The following TOM1L2 variants were observed in gnomAD, a reference collection of about 807,000 sequenced individuals.
TOM1L2 encodes target of myb1 like 2 membrane trafficking protein, also known as TOM1-like protein 2.
TOM1L2 carries 31 observed loss-of-function variants against 67.9 expected under a neutral mutation model. The observed-to-expected ratio is 0.46, with a 90% CI of 0.34 to 0.62. The LOEUF (loss-of-function observed/expected upper bound fraction) is 0.62, where lower values mean the gene tolerates loss of function less well. Ranked by LOEUF, TOM1L2 falls within the 20% of genes least tolerant of loss-of-function variation. The probability of loss-of-function intolerance (pLI) is 0.01; values close to 1 mark genes in which losing one functional copy is unlikely to be tolerated. For missense variants in TOM1L2, 606 were observed against 663.5 expected (o/e 0.91, Z 0.95); for synonymous variants, 256 against 254.0 (o/e 1.01, Z -0.07).
At chr17:17,937,887 C>T (rs1057015856) in intron 1 of TOM1L2, among the ~76,000 whole-genome samples, 46 of 152,318 alleles carry the variant, frequency 3.0e-4, no homozygotes, top group African/African-American at 1.1e-3. Context: ...ACAGCTCCCG[C>T]ATTGGTCTCC....
chr17:17,877,706 C>T (rs916647898), intron 7 of TOM1L2, among the ~76,000 whole-genome samples: 3 of 152,084 alleles, frequency 2.0e-5, no homozygotes, highest in African/African-American at 4.8e-5. Context: ...CCACTGGCAC[C>T]GAGAGTCATT....
At chr17:17,925,575 C>T in intron 1 of TOM1L2, among the ~76,000 whole-genome samples, 1 of 151,588 alleles carries the variant, frequency 6.6e-6, no homozygotes, top group East Asian at 1.9e-4. Flanking sequence ...GGCGCAGTGG[C>T]TCATGCCTCT....
intron 1 of TOM1L2, among the ~76,000 whole-genome samples, chr17:17,909,061 G>A (rs756401831): frequency 5.3e-5 from 8 of 152,010 alleles, no homozygotes; most frequent in Non-Finnish European, 7.4e-5. Flanking sequence ...GGCACCTGTC[G>A]TTCCAGCTAC....
intron 10 of TOM1L2, among the ~76,000 whole-genome samples, chr17:17,864,850 G>A (rs1046609987): frequency 3.3e-5 from 5 of 152,192 alleles, no homozygotes; most frequent in Non-Finnish European, 7.3e-5. Context: ...ACTGACTGAA[G>A]GCAGAGACAT....
At chr17:17,919,550 G>A (rs1212542045) in intron 1 of TOM1L2, among the ~76,000 whole-genome samples, 1 of 152,190 alleles carries the variant, frequency 6.6e-6, no homozygotes, top group Non-Finnish European at 1.5e-5. Context: ...ATTTCCTTAA[G>A]AATCCAAGCA....
chr17:17,899,160 A>G (rs1221272024), intron 2 of TOM1L2, among the ~76,000 whole-genome samples: 1 of 152,216 alleles, frequency 6.6e-6, no homozygotes, highest in Non-Finnish European at 1.5e-5. Context: ...ACATGCAAGT[A>G]TTATTTATTC....
intron 7 of TOM1L2, among the ~76,000 whole-genome samples, chr17:17,877,205 G>A (rs994646516): frequency 1.3e-5 from 2 of 152,212 alleles, no homozygotes; most frequent in African/African-American, 4.8e-5. Flanking sequence ...GCTTTGCGAT[G>A]TGCAGGAGGC....
rs768989668 is a variant in TOM1L2 at position 17,879,695 on chromosome 17, C to A, written c.709G>T (p.Val237Phe). Reference protein sequence around the residue: ...ELDVVRGNTKVMSEMLTEMVP... With the variant: ...ELDVVRGNTKFMSEMLTEMVP... ...ATTTCTGTTAACATCTCAGACATGA[C>A]TTTTGTGTTTCCTCGAACGACGTCC... The change falls in exon 7 of 15, where the codon GTC becomes TTC. Residue 237 changes from valine (V) to phenylalanine (F), a missense_variant. This residue lies in a region of TOM1L2 where 543 missense variants were observed against 554.0 expected (regional missense o/e 0.98). Coordinates refer to ENST00000379504, the MANE Select transcript of TOM1L2 (RefSeq NM_001082968.2). 2.5e-6 allele frequency: 4 copies of A among 1,614,102 alleles called. No homozygotes were observed. Among genetic ancestry groups the A allele is most frequent in the African/African-American group, 1.3e-5 (1 of 74,928 alleles).
intron 1 of TOM1L2, among the ~76,000 whole-genome samples, chr17:17,952,405 T>TTTTTTTTC (rs2041248895): frequency 1.2e-5 from 1 of 80,272 alleles, no homozygotes; most frequent in Admixed American, 1.5e-4. Context: ...TTTTTTTTTT[T>TTTTTTTTC]TTTTGAGACA....
chr17:17,943,573 C>T (rs564237739), intron 1 of TOM1L2, among the ~76,000 whole-genome samples: 1 of 152,334 alleles, frequency 6.6e-6, no homozygotes. Context: ...AGCCCGAAGG[C>T]TGAGCTGCCT....
chr17:17,898,486 C>G, intron 3 of TOM1L2, 110 bp downstream of exon 3: 1 of 1,123,940 alleles, frequency 8.9e-7, no homozygotes, highest in Non-Finnish European at 1.3e-6. Flanking sequence ...AGGCACCAAG[C>G]CATTCAGAGG....
chr17:17,968,956 A>G (rs767812363), intron 1 of TOM1L2, among the ~76,000 whole-genome samples: 2 of 150,976 alleles, frequency 1.3e-5, no homozygotes, highest in Non-Finnish European at 3.0e-5. Context: ...TGACTCCTTC[A>G]GCACTTACAA....
chr17:17,856,958 A>AT (rs1355775386), intron 12 of TOM1L2, among the ~76,000 whole-genome samples: 1 of 151,994 alleles, frequency 6.6e-6, no homozygotes, highest in African/African-American at 2.4e-5. Flanking sequence ...TACTGTGTTT[A>AT]TTTTTTTATT....
chr17:17,848,740 C>G lies in TOM1L2; in HGVS notation c.1375+83G>C, dbSNP rs538703845. 3,578 of 1,512,914 alleles carry G rather than the reference C, an allele frequency of 2.4e-3. 5 individuals are homozygous for G. The highest frequency in any genetic ancestry group is 2.9e-3 in the Non-Finnish European group (3,198 of 1,095,170). 93.7% of individuals were successfully genotyped at this position (1,512,914 alleles called of 1,614,324 possible). A position where few individuals can be genotyped will look rare whatever the true frequency, so the allele number is the denominator to read the frequency against. ...CCAGTAGGTGCTCTGGCAGCGGGGG[C>G]TCCAAGATGATGGGGGCTGGCTCCT... On this transcript the variant is annotated intron_variant, in intron 14 of 14. Coordinates refer to ENST00000379504, the MANE Select transcript of TOM1L2 (RefSeq NM_001082968.2).
Position 17,971,544 on chromosome 17 carries a change from G to A in TOM1L2, c.52+718C>T, listed in dbSNP as rs576833337. ...TCAAATTAGCAAGTCCCGGAGCAGGGGGCATTTCTGGGAGGGTGCCCAGTC... is the reference window on the plus strand; with the variant it reads ...TCAAATTAGCAAGTCCCGGAGCAGGAGGCATTTCTGGGAGGGTGCCCAGTC... On this transcript the variant is annotated intron_variant, in intron 1 of 14. Transcript: ENST00000379504. 2.6e-5 allele frequency among the ~76,000 whole-genome samples: 4 copies of A among 152,252 alleles called. No individual in the cohort carries two copies. In the South Asian group the frequency reaches 8.3e-4, roughly 32 times the overall value.
At chr17:17,898,709 A>C in intron 2 of TOM1L2, 35 bp from the exon 3 acceptor site, 1 of 1,609,852 alleles carries the variant, frequency 6.2e-7, no homozygotes, top group Non-Finnish European at 8.5e-7. Flanking sequence ...AGATACTTAC[A>C]ATCCCACTTG....
intron 12 of TOM1L2, among the ~76,000 whole-genome samples, chr17:17,853,573 C>T (rs559880179): frequency 6.6e-6 from 1 of 152,318 alleles, no homozygotes; most frequent in East Asian, 1.9e-4. Flanking sequence ...CAAAAGCTGG[C>T]TCATGGGAAC....
chr17:17,936,096 G>C (rs1295787877), intron 1 of TOM1L2, among the ~76,000 whole-genome samples: 1 of 152,182 alleles, frequency 6.6e-6, no homozygotes, highest in Non-Finnish European at 1.5e-5. Context: ...ACTTGGCCTC[G>C]CTTGCTCCTG....
intron 1 of TOM1L2, among the ~76,000 whole-genome samples, chr17:17,965,315 C>T (rs149144863): frequency 7.2e-5 from 11 of 152,270 alleles, no homozygotes; most frequent in African/African-American, 2.4e-4. Context: ...AGGCCTTATC[C>T]TCCCTTCCCA....
Sources: allele counts gnomAD v4.1 joint callset (sites outside exome capture counted in the v4.1 genomes callset), GRCh38; gene constraint gnomAD v4.1.1; regional missense constraint gnomAD v4.1.1; transcripts MANE v1.5; gene names NCBI Gene and HGNC (gene_info 2026-07-23, HGNC 2026-07-21).